SLC25A26: variants seen among roughly 807,000 people sequenced by gnomAD.
SLC25A26 encodes mitochondrial S-adenosylmethionine carrier protein.
SLC25A26 carries 36 observed loss-of-function variants against 37.8 expected under a neutral mutation model. The ratio of observed to expected loss-of-function variants is 0.95; its 90% CI spans 0.73 to 1.26. The LOEUF (loss-of-function observed/expected upper bound fraction) is 1.26. SLC25A26 is among the 50% of genes most tolerant of loss of function. The pLI is 0.00. For missense variants in SLC25A26, 390 were observed against 331.1 expected (o/e 1.18, Z -1.38); for synonymous variants, 129 against 122.5 (o/e 1.05, Z -0.35).
At chr3:66,302,704 A>G (rs555384177) in intron 5 of SLC25A26, among the ~76,000 whole-genome samples, 11 of 152,226 alleles carry the variant, frequency 7.2e-5, no homozygotes, top group Admixed American at 5.2e-4. Context: ...GTCAGAAGCA[A>G]CATTGAGCTG....
chr3:66,212,137 C>T (rs988074906), intron 1 of SLC25A26, among the ~76,000 whole-genome samples: 12 of 152,100 alleles, frequency 7.9e-5, no homozygotes, highest in Admixed American at 4.6e-4. Context: ...TTTTTGGAGA[C>T]TGGGTGTCCT....
chr3:66,299,278 G>C (rs1361453186), intron 5 of SLC25A26, among the ~76,000 whole-genome samples: 1 of 152,068 alleles, frequency 6.6e-6, no homozygotes, highest in Non-Finnish European at 1.5e-5. Flanking sequence ...TGCAACCTCC[G>C]CCTCCTGGGT....
intron 1 of SLC25A26, among the ~76,000 whole-genome samples, chr3:66,166,789 C>A (rs1457731232): frequency 6.6e-6 from 1 of 152,140 alleles, no homozygotes; most frequent in African/African-American, 2.4e-5. Context: ...TGGCCACAGA[C>A]ATGAGCCTCG....
intron 1 of SLC25A26, among the ~76,000 whole-genome samples, chr3:66,146,803 C>G (rs1478408194): frequency 1.3e-5 from 2 of 152,074 alleles, no homozygotes; most frequent in East Asian, 3.9e-4. Flanking sequence ...GTACATTGTA[C>G]TCACTATGTA....
intron 1 of SLC25A26, among the ~76,000 whole-genome samples, chr3:66,210,361 A>G (rs903355070): frequency 0.045 from 6,907 of 152,074 alleles, 441 homozygotes; most frequent in African/African-American, 0.15. Flanking sequence ...GGAAAAGACA[A>G]TCTCCCTTAG....
At chr3:66,230,358 A>G (rs1291893477) in intron 1 of SLC25A26, among the ~76,000 whole-genome samples, 4 of 152,148 alleles carry the variant, frequency 2.6e-5, no homozygotes, top group Non-Finnish European at 5.9e-5. Flanking sequence ...CTGACTGGAA[A>G]ATTGGGAAAG....
intron 5 of SLC25A26, among the ~76,000 whole-genome samples, chr3:66,329,352 C>G (rs1008161692): frequency 1.3e-5 from 2 of 152,176 alleles, no homozygotes. Context: ...GTTAACCAAA[C>G]ACATTTAGAA....
intron 9 of SLC25A26, among the ~76,000 whole-genome samples, chr3:66,375,069 C>A (rs1392704647): frequency 6.6e-6 from 1 of 152,132 alleles, no homozygotes; most frequent in African/African-American, 2.4e-5. Context: ...ATAAGTGTAA[C>A]AGCCTCATTG....
At chr3:66,271,505 T>C (rs1448167032) in intron 5 of SLC25A26, among the ~76,000 whole-genome samples, 1 of 152,186 alleles carries the variant, frequency 6.6e-6, no homozygotes, top group African/African-American at 2.4e-5. Flanking sequence ...ACTAACTTTA[T>C]CTGTCCTTTT....
intron 1 of SLC25A26, among the ~76,000 whole-genome samples, chr3:66,149,511 A>T (rs2070169240): frequency 6.6e-6 from 1 of 152,250 alleles, no homozygotes; most frequent in Non-Finnish European, 1.5e-5. Flanking sequence ...CCTGACTAAT[A>T]GAACCTCCCA....
chr3:66,198,755 C>G (rs923199218), intron 1 of SLC25A26, among the ~76,000 whole-genome samples: 6 of 151,960 alleles, frequency 3.9e-5, no homozygotes, highest in African/African-American at 1.5e-4. Context: ...TACCATCAGC[C>G]TAACCCTGAT....
chr3:66,167,643 G>T (rs919169785), intron 1 of SLC25A26, among the ~76,000 whole-genome samples: 5 of 152,138 alleles, frequency 3.3e-5, no homozygotes, highest in Non-Finnish European at 7.4e-5. Flanking sequence ...AATGTTCTCT[G>T]GGAGCTAACA....
chr3:66,155,348 T>TA (rs1481727432), intron 1 of SLC25A26, among the ~76,000 whole-genome samples: 1 of 151,910 alleles, frequency 6.6e-6, no homozygotes, highest in African/African-American at 2.4e-5. Context: ...TGTCTCTACA[T>TA]AAAAAAATAA....
chr3:66,375,739 G>A (rs1285854469), intron 9 of SLC25A26, among the ~76,000 whole-genome samples: 1 of 152,064 alleles, frequency 6.6e-6, no homozygotes, highest in Non-Finnish European at 1.5e-5. Context: ...CAGTGTACCT[G>A]GTCACCCTGG....
chr3:66,204,530 A>G (rs1054717618), intron 1 of SLC25A26, among the ~76,000 whole-genome samples: 1 of 152,126 alleles, frequency 6.6e-6, no homozygotes, highest in African/African-American at 2.4e-5. Context: ...CAATATCATC[A>G]ACTCCTGGAG....
chr3:66,370,917 A>G (rs1367286953), intron 9 of SLC25A26, among the ~76,000 whole-genome samples: 1 of 152,228 alleles, frequency 6.6e-6, no homozygotes, highest in Non-Finnish European at 1.5e-5. Flanking sequence ...GTGCAGAAAT[A>G]CAAGGGAGTG....
At chr3:66,285,088 A>G (rs532136066) in intron 5 of SLC25A26, among the ~76,000 whole-genome samples, 28 of 152,264 alleles carry the variant, frequency 1.8e-4, no homozygotes, top group African/African-American at 6.3e-4. Context: ...GGTGCTGGTC[A>G]TTTCTTTACC....
At chr3:66,376,977 T>C (rs954116359) in intron 9 of SLC25A26, among the ~76,000 whole-genome samples, 4 of 152,194 alleles carry the variant, frequency 2.6e-5, no homozygotes, top group African/African-American at 7.2e-5. Flanking sequence ...CCACTGTATG[T>C]TTATACTGTG....
chr3:66,367,135 C>T lies in SLC25A26; in HGVS notation c.569-2343C>T, dbSNP rs190307076. On this transcript the variant is annotated intron_variant, in intron 7 of 9. Coordinates refer to ENST00000354883, the MANE Select transcript of SLC25A26 (RefSeq NM_001379210.1). ...CTGGTCTAAAGATACGAAGAAAAAG[C>T]ACTCATTAGCTCTGGCCACCAAGGA... 4.3e-3 allele frequency among the ~76,000 whole-genome samples: 661 copies of T among 152,290 alleles called. 2 individuals are homozygous for T. The highest frequency in any genetic ancestry group is 7.5e-3 in the Admixed American group (114 of 15,290).
Sources: allele counts gnomAD v4.1 joint callset (sites outside exome capture counted in the v4.1 genomes callset), GRCh38; gene constraint gnomAD v4.1.1; transcripts MANE v1.5; gene names NCBI Gene and HGNC (gene_info 2026-07-23, HGNC 2026-07-21).